RORA: variants seen among roughly 807,000 people sequenced by gnomAD.
The protein encoded by RORA is nuclear receptor ROR-alpha.
Under a neutral mutation model 69.5 loss-of-function variants are expected in RORA, and 7 were observed. The ratio of observed to expected loss-of-function variants is 0.10; its 90% CI spans 0.06 to 0.19. The LOEUF (loss-of-function observed/expected upper bound fraction) is 0.19, where lower values mean the gene tolerates loss of function less well. Ranked by LOEUF, RORA falls within the 10% of genes least tolerant of loss-of-function variation. RORA has a pLI of 1.00. For missense variants in RORA, 457 were observed against 663.0 expected (o/e 0.69, Z 3.41); for synonymous variants, 261 against 240.8 (o/e 1.08, Z -0.78).
chr15:60,827,323 T>C (rs932078883), intron 1 of RORA, among the ~76,000 whole-genome samples: 16 of 152,224 alleles, frequency 1.1e-4, no homozygotes, highest in Non-Finnish European at 4.4e-5. Context: ...AAACAATGCG[T>C]TAGCTCGTGG....
rs180716974 is a variant in RORA at position 61,207,770 on chromosome 15, C to T, written c.166+21283G>A. On this transcript the variant is annotated intron_variant, in intron 1 of 10. Transcript: ENST00000335670. Reference sequence around the variant, plus strand: ...CTAAGTTAGGTTAACAGCCAGTGTCCTTAACTCTTGCTTCCAAATACTTCA... The same window carrying T: ...CTAAGTTAGGTTAACAGCCAGTGTCTTTAACTCTTGCTTCCAAATACTTCA... 5.9e-5 allele frequency among the ~76,000 whole-genome samples: 9 copies of T among 152,314 alleles called. No individual in the cohort carries two copies. The East Asian group carries it at 1.7e-3, about 29-fold the overall frequency.
intron 1 of RORA, among the ~76,000 whole-genome samples, chr15:61,140,704 G>A (rs999824426): frequency 2.6e-5 from 4 of 152,148 alleles, no homozygotes; most frequent in Admixed American, 1.3e-4. Context: ...TAGCAGAGGC[G>A]CAGAGCTGAC....
chr15:61,125,115 A>G (rs189644065), intron 1 of RORA, among the ~76,000 whole-genome samples: 1 of 152,330 alleles, frequency 6.6e-6, no homozygotes, highest in African/African-American at 2.4e-5. Flanking sequence ...AATTGCCTAT[A>G]AAATATAAAA....
chr15:61,098,557 A>G (rs12915514), intron 1 of RORA, among the ~76,000 whole-genome samples: 98,746 of 151,822 alleles, frequency 0.65, 32,421 homozygotes, highest in Admixed American at 0.73. Context: ...TGCCCAGGCT[A>G]GTCTCGAGCT....
intron 1 of RORA, among the ~76,000 whole-genome samples, chr15:60,807,231 A>T (rs2072672091): frequency 6.6e-6 from 1 of 152,228 alleles, no homozygotes; most frequent in Non-Finnish European, 1.5e-5. Flanking sequence ...GTACAAAATT[A>T]ATGTACACAT....
chr15:60,518,014 T>C (rs2066023468), intron 3 of RORA, among the ~76,000 whole-genome samples: 1 of 152,156 alleles, frequency 6.6e-6, no homozygotes, highest in South Asian at 2.1e-4. Context: ...CCTTTCCAAT[T>C]TCTTCACTAC....
At chr15:60,773,467 T>C (rs11633065) in intron 1 of RORA, among the ~76,000 whole-genome samples, 92,278 of 151,938 alleles carry the variant, frequency 0.61, 28,379 homozygotes, top group South Asian at 0.67. Flanking sequence ...ACAGCTGAGT[T>C]ATGAACTTCA....
At chr15:60,887,279 G>A in intron 1 of RORA, among the ~76,000 whole-genome samples, 1 of 152,142 alleles carries the variant, frequency 6.6e-6, no homozygotes, top group East Asian at 1.9e-4. Context: ...GGCCTGAAGG[G>A]ATCCAGTTAT....
At chr15:60,703,982 C>A (rs1478592264) in intron 1 of RORA, among the ~76,000 whole-genome samples, 16 of 151,688 alleles carry the variant, frequency 1.1e-4, no homozygotes. Flanking sequence ...TATGTCTTTT[C>A]CATAATTGTT....
chr15:60,675,913 C>G (rs1056194425), intron 2 of RORA, among the ~76,000 whole-genome samples: 9 of 151,982 alleles, frequency 5.9e-5, no homozygotes, highest in Non-Finnish European at 1.0e-4. Flanking sequence ...GTTAGGAAAC[C>G]AAGATTGAAA....
At chr15:60,638,376 ATTTTC>A (rs1357270382) in intron 2 of RORA, among the ~76,000 whole-genome samples, 70 of 123,476 alleles carry the variant, frequency 5.7e-4, no homozygotes, top group African/African-American at 2.0e-3. Context: ...ATTTAACTGT[ATTTTC>A]TTTTCTTTTT....
intron 2 of RORA, among the ~76,000 whole-genome samples, chr15:60,652,259 A>AT (rs1318672033): frequency 6.6e-6 from 1 of 152,152 alleles, no homozygotes; most frequent in African/African-American, 2.4e-5. Context: ...AACTTAGCTC[A>AT]TTTTTCCAAC....
intron 1 of RORA, among the ~76,000 whole-genome samples, chr15:61,155,449 G>A (rs931742251): frequency 1.3e-5 from 2 of 152,142 alleles, no homozygotes; most frequent in Admixed American, 6.5e-5. Context: ...CACCAAAGGG[G>A]TTTATATTTT....
At chr15:60,877,676 A>G (rs1219833072) in intron 1 of RORA, among the ~76,000 whole-genome samples, 1 of 152,230 alleles carries the variant, frequency 6.6e-6, no homozygotes, top group Non-Finnish European at 1.5e-5. Context: ...TTACAAATCT[A>G]AGACTCTGTT....
Position 60,511,710 on chromosome 15 carries a change from C to T in RORA, c.425-89G>A. 1 of 1,367,714 alleles carries T rather than the reference C, an allele frequency of 7.3e-7. No homozygotes were observed. The highest frequency in any genetic ancestry group is 9.8e-7 in the Non-Finnish European group (1 of 1,022,178). The allele number at this position is 1,367,714 out of a possible 1,614,324, so 84.7% of individuals were successfully genotyped here. A position where few individuals can be genotyped will look rare whatever the true frequency, so the allele number is the denominator to read the frequency against. On this transcript the variant is annotated intron_variant, in intron 4 of 10. Transcript: ENST00000335670. This position sits in a 1 kb window ranked among gnomAD's most constrained non-coding sequence, Gnocchi z 6.4. ...AGCTTTGGGGTTTCCTTTGAAGTCTCACACAATCTCAATCCAAAACTGCAT... is the reference window on the plus strand; with the variant it reads ...AGCTTTGGGGTTTCCTTTGAAGTCTTACACAATCTCAATCCAAAACTGCAT...
At chr15:60,938,669 G>C (rs879806418) in intron 1 of RORA, among the ~76,000 whole-genome samples, 7 of 152,168 alleles carry the variant, frequency 4.6e-5, no homozygotes, top group Admixed American at 3.9e-4. Context: ...TAAGAGGGAG[G>C]CAAGAAGGTT....
chr15:60,925,356 C>T lies in RORA; in HGVS notation c.167-246670G>A, dbSNP rs574159286. Among the ~76,000 whole-genome samples the T allele has an allele frequency of 8.5e-5, 13 of 152,208 alleles. No homozygotes were observed. The East Asian group carries it at 2.1e-3, about 25-fold the overall frequency. On this transcript the variant is annotated intron_variant, in intron 1 of 10. Transcript: ENST00000335670. ...CTTCGAAGAGAATATTTGAAATGTC[C>T]CCATATTCAAACTGAAAGGAGACAG... is the stretch of plus-strand genomic sequence containing the variant.
intron 1 of RORA, among the ~76,000 whole-genome samples, chr15:60,946,315 C>A (rs190311550): frequency 6.6e-6 from 1 of 152,144 alleles, no homozygotes; most frequent in Non-Finnish European, 1.5e-5. Flanking sequence ...CCTCTGATGA[C>A]GAGCCGAAGC....
chr15:61,157,920 G>C (rs1183911267), intron 1 of RORA, among the ~76,000 whole-genome samples: 1 of 152,180 alleles, frequency 6.6e-6, no homozygotes, highest in East Asian at 1.9e-4. Flanking sequence ...GCTGAAGAGA[G>C]CAACAGAGTC....
Sources: allele counts gnomAD v4.1 joint callset (sites outside exome capture counted in the v4.1 genomes callset), GRCh38; gene constraint gnomAD v4.1.1; non-coding constraint Gnocchi (gnomAD v3.1); transcripts MANE v1.5; gene names NCBI Gene and HGNC (gene_info 2026-07-23, HGNC 2026-07-21).